Variants in STPG2 observed in about 807,000 individuals in gnomAD.
The protein encoded by STPG2 is sperm-tail PG-rich repeat-containing protein 2.
In STPG2, 56 loss-of-function variants were observed where a neutral mutation model predicts 54.2. That is an observed-to-expected ratio of 1.03 (90% confidence interval 0.83 to 1.29). The LOEUF is 1.29. STPG2 is among the 50% of genes most tolerant of loss of function. The pLI, the probability that STPG2 is intolerant of heterozygous loss-of-function variation, is 0.00. For missense variants in STPG2, 596 were observed against 544.9 expected (o/e 1.09, Z -0.93); for synonymous variants, 200 against 181.8 (o/e 1.10, Z -0.81).
intron 9 of STPG2, among the ~76,000 whole-genome samples, chr4:97,723,718 G>A (rs1297921320): frequency 2.0e-5 from 3 of 152,128 alleles, no homozygotes; most frequent in African/African-American, 7.2e-5. Flanking sequence ...CATGTGGCTA[G>A]GGAGGCCTCA....
intron 9 of STPG2, among the ~76,000 whole-genome samples, chr4:97,827,879 A>G (rs1376864730): frequency 1.3e-5 from 2 of 152,114 alleles, no homozygotes; most frequent in African/African-American, 4.8e-5. Flanking sequence ...GTAAGTAAAG[A>G]ATGTCACTTT....
At chr4:97,455,520 G>T (rs1215063589) in intron 4 of STPG2, among the ~76,000 whole-genome samples, 1 of 152,116 alleles carries the variant, frequency 6.6e-6, no homozygotes, top group African/African-American at 2.4e-5. Context: ...TGCCAGGGTG[G>T]TCAGAGGAGA....
chr4:97,683,762 A>AG (rs1482773383), intron 10 of STPG2, among the ~76,000 whole-genome samples: 1 of 151,834 alleles, frequency 6.6e-6, no homozygotes, highest in Non-Finnish European at 1.5e-5. Context: ...TATAAGTCCT[A>AG]GTTAATACAA....
intron 9 of STPG2, among the ~76,000 whole-genome samples, chr4:97,725,889 T>G (rs1265088019): frequency 1.3e-5 from 2 of 151,860 alleles, no homozygotes; most frequent in East Asian, 3.9e-4. Context: ...ATTCTAAATG[T>G]TTCCAAAAAA....
At chr4:97,742,336 C>A (rs1290620512) in intron 9 of STPG2, among the ~76,000 whole-genome samples, 1 of 151,006 alleles carries the variant, frequency 6.6e-6, no homozygotes, top group East Asian at 1.9e-4. Flanking sequence ...GCATATTGTG[C>A]ACATGTACCC....
At chr4:97,938,516 C>A (rs1258634388) in intron 8 of STPG2, among the ~76,000 whole-genome samples, 1 of 151,774 alleles carries the variant, frequency 6.6e-6, no homozygotes, top group African/African-American at 2.4e-5. Flanking sequence ...CCTGCAGGAA[C>A]TCTTAGCCAG....
intron 8 of STPG2, among the ~76,000 whole-genome samples, chr4:97,906,764 A>G (rs1333238274): frequency 6.6e-6 from 1 of 152,042 alleles, no homozygotes; most frequent in Non-Finnish European, 1.5e-5. Flanking sequence ...AAAGACAAAA[A>G]CCACATGATT....
intron 5 of STPG2, among the ~76,000 whole-genome samples, chr4:98,105,411 G>A (rs557264336): frequency 3.9e-5 from 6 of 152,246 alleles, no homozygotes; most frequent in South Asian, 4.1e-4. Flanking sequence ...TCCTCAGAGC[G>A]GCTGAGGGTT....
intron 10 of STPG2, among the ~76,000 whole-genome samples, chr4:97,662,042 A>G (rs1340263328): frequency 3.9e-5 from 6 of 152,172 alleles, no homozygotes; most frequent in Non-Finnish European, 8.8e-5. Context: ...CATAGGACTT[A>G]ATTAAACTAA....
intron 3 of STPG2, among the ~76,000 whole-genome samples, chr4:98,110,238 A>G (rs1387562197): frequency 6.6e-6 from 1 of 152,090 alleles, no homozygotes; most frequent in Non-Finnish European, 1.5e-5. Flanking sequence ...TTAACAGTCT[A>G]AAATAATAAT....
intron 9 of STPG2, among the ~76,000 whole-genome samples, chr4:97,835,048 G>A (rs1728590014): frequency 6.6e-6 from 1 of 152,054 alleles, no homozygotes; most frequent in Non-Finnish European, 1.5e-5. Flanking sequence ...AAATAAGGCT[G>A]AGACATGCTG....
intron 8 of STPG2, among the ~76,000 whole-genome samples, chr4:97,903,053 T>C (rs1008017171): frequency 1.3e-5 from 2 of 152,170 alleles, no homozygotes; most frequent in African/African-American, 4.8e-5. Context: ...GGATGGTTAC[T>C]AGGAGTCAGG....
At chr4:98,100,509 T>C (rs1738993454) in intron 5 of STPG2, among the ~76,000 whole-genome samples, 1 of 151,882 alleles carries the variant, frequency 6.6e-6, no homozygotes, top group African/African-American at 2.4e-5. Flanking sequence ...CCAAGACAAT[T>C]TCAAGGACTT....
At chr4:97,890,902 T>A (rs1730745381) in intron 8 of STPG2, among the ~76,000 whole-genome samples, 1 of 151,826 alleles carries the variant, frequency 6.6e-6, no homozygotes. Context: ...CAAATTAATA[T>A]ATAAAAACAA....
chr4:97,552,748 A>G (rs984372608), intron 4 of STPG2, among the ~76,000 whole-genome samples: 6 of 152,178 alleles, frequency 3.9e-5, no homozygotes, highest in Non-Finnish European at 5.9e-5. Flanking sequence ...AAAAAAATGA[A>G]AGATATTGAG....
At chr4:97,496,344 A>C (rs1288670305) in intron 4 of STPG2, among the ~76,000 whole-genome samples, 2 of 151,716 alleles carry the variant, frequency 1.3e-5, no homozygotes, top group African/African-American at 4.8e-5. Context: ...TAGGCAGACA[A>C]AATAGAGCTG....
At chr4:97,961,518 A>T (rs1373473053) in intron 7 of STPG2, among the ~76,000 whole-genome samples, 1 of 152,204 alleles carries the variant, frequency 6.6e-6, no homozygotes, top group Non-Finnish European at 1.5e-5. Flanking sequence ...GCAAGAAAAC[A>T]AACAATCCCA....
chr4:97,949,375 G>T (rs1733374650), intron 7 of STPG2, among the ~76,000 whole-genome samples: 1 of 151,958 alleles, frequency 6.6e-6, no homozygotes, highest in Non-Finnish European at 1.5e-5. Flanking sequence ...TATCTAATCT[G>T]CCAATCTGTA....
intron 5 of STPG2, among the ~76,000 whole-genome samples, chr4:98,079,924 T>C (rs1205528586): frequency 6.6e-6 from 1 of 152,102 alleles, no homozygotes; most frequent in Non-Finnish European, 1.5e-5. Flanking sequence ...GAAAAATGTA[T>C]ATATCTATTA....
Sources: gnomAD v4.1 joint callset for allele counts (sites outside exome capture counted in the v4.1 genomes callset) on GRCh38, gnomAD v4.1.1 for gene constraint, MANE v1.5 for transcripts, NCBI Gene and HGNC (gene_info 2026-07-23, HGNC 2026-07-21) for gene names.